The following RGS18 variants were observed in gnomAD, a reference collection of about 807,000 sequenced individuals.
The protein encoded by RGS18 is regulator of G protein signaling 18.
RGS18 carries 22 observed loss-of-function variants against 27.6 expected under a neutral mutation model. That is an observed-to-expected ratio of 0.80 (90% CI 0.57 to 1.14). RGS18 has a LOEUF of 1.14. RGS18 is among the 50% of genes most tolerant of loss of function. The probability of loss-of-function intolerance (pLI) is 0.00; values close to 1 mark genes in which losing one functional copy is unlikely to be tolerated. For synonymous variants in RGS18, 89 were observed against 84.6 expected (o/e 1.05, Z -0.29); for missense variants, 299 against 269.6 (o/e 1.11, Z -0.76).
chr1:192,168,907 A>G (rs971682146), intron 3 of RGS18: 1 of 152,138 alleles, frequency 6.6e-6, no homozygotes, highest in Non-Finnish European at 1.5e-5. Context: ...TATAAACATG[A>G]GTATAACAAG....
chr1:192,167,522 C>T (rs192610468), intron 3 of RGS18, among the ~76,000 whole-genome samples: 32 of 152,038 alleles, frequency 2.1e-4, no homozygotes, highest in African/African-American at 6.8e-4. Context: ...TGGGTTCAAG[C>T]GATTCTCCTG....
chr1:192,183,624 G>A (rs1391725775), intron 4 of RGS18, among the ~76,000 whole-genome samples: 1 of 151,454 alleles, frequency 6.6e-6, no homozygotes, highest in Non-Finnish European at 1.5e-5. Flanking sequence ...ATCTATATTA[G>A]GCCATTCTTG....
At chr1:192,175,991 A>G (rs1656351943) in intron 3 of RGS18, among the ~76,000 whole-genome samples, 1 of 151,782 alleles carries the variant, frequency 6.6e-6, no homozygotes, top group African/African-American at 2.4e-5. Flanking sequence ...AATTTTGTCT[A>G]TGATGTTCCA....
intron 4 of RGS18, among the ~76,000 whole-genome samples, chr1:192,181,713 A>G (rs139653354): frequency 6.6e-6 from 1 of 151,678 alleles, no homozygotes; most frequent in Non-Finnish European, 1.5e-5. Context: ...AATATTCAAT[A>G]TGTTCTTTTC....
intron 3 of RGS18, among the ~76,000 whole-genome samples, chr1:192,180,759 A>G (rs1215860312): frequency 2.0e-5 from 3 of 151,676 alleles, no homozygotes; most frequent in African/African-American, 7.3e-5. Flanking sequence ...CAGCCTGCAA[A>G]TTGAAGCCTT....
rs141130592 is a variant in RGS18, at chr1:192,161,135, C to T, written c.283+696C>T. On this transcript the variant is annotated intron_variant, in intron 3 of 4. Coordinates refer to ENST00000367460, the MANE Select transcript of RGS18 (RefSeq NM_130782.3). The stretch of plus-strand genomic sequence containing the variant: ...AAAGTGCTGGGATTACAGGCGTGAA[C>T]CACTGCGCCCCGCTCCATAAACACA... 7.6e-3 allele frequency among the ~76,000 whole-genome samples: 1,152 copies of T among 152,276 alleles called. 11 individuals are homozygous for T. The highest frequency in any genetic ancestry group is 0.027 in the African/African-American group (1,103 of 41,554).
chr1:192,171,561 T>C (rs1031430775), intron 3 of RGS18, among the ~76,000 whole-genome samples: 1 of 152,072 alleles, frequency 6.6e-6, no homozygotes, highest in Non-Finnish European at 1.5e-5. Context: ...GGATCTCCCT[T>C]TGTCCAGGTG....
At chr1:192,162,979 T>A (rs1427656433) in intron 3 of RGS18, among the ~76,000 whole-genome samples, 2 of 152,226 alleles carry the variant, frequency 1.3e-5, no homozygotes, top group Non-Finnish European at 2.9e-5. Context: ...AGAATATAAC[T>A]GAATTTGTTT....
intron 3 of RGS18, among the ~76,000 whole-genome samples, chr1:192,174,016 T>C (rs1656314866): frequency 6.6e-6 from 1 of 151,746 alleles, no homozygotes; most frequent in African/African-American, 2.4e-5. Flanking sequence ...TTTTTTTCTT[T>C]CTTTTTTTTT....
Position 192,175,702 on chromosome 1 carries a change from C to A in RGS18, c.284-5590C>A, listed in dbSNP as rs142872776. ...TCACAAAATTTGCCCTGCTCATGTG[C>A]AGCTTAGCCCTCAGTCAAGGCTCTG... On this transcript the variant is annotated intron_variant, in intron 3 of 4. Transcript: ENST00000367460. Among the ~76,000 whole-genome samples, 284 of 152,000 alleles carry A rather than the reference C, an allele frequency of 1.9e-3. 1 individual carries two copies. The highest frequency in any genetic ancestry group is 6.5e-3 in the African/African-American group (271 of 41,510).
intron 4 of RGS18, among the ~76,000 whole-genome samples, chr1:192,183,500 T>C (rs896876707): frequency 5.3e-5 from 8 of 151,590 alleles, no homozygotes; most frequent in African/African-American, 1.9e-4. Context: ...TTCTATGATC[T>C]TAGCAGTTCA....
intron 3 of RGS18, among the ~76,000 whole-genome samples, chr1:192,179,284 G>A (rs1026300942): frequency 1.3e-5 from 2 of 151,534 alleles, no homozygotes; most frequent in African/African-American, 2.4e-5. Flanking sequence ...TATAACTAGA[G>A]AGTGAGAGTG....
At chr1:192,184,210 C>A in intron 4 of RGS18, 87 bp from the exon 5 acceptor site, 1 of 1,257,548 alleles carries the variant, frequency 8.0e-7, no homozygotes, top group Non-Finnish European at 1.1e-6. Context: ...GATGCCCACT[C>A]CAACATTGCA....
intron 2 of RGS18, among the ~76,000 whole-genome samples, chr1:192,159,689 C>A (rs748943372): frequency 3.3e-5 from 5 of 152,066 alleles, no homozygotes; most frequent in Non-Finnish European, 7.4e-5. Context: ...AAAAAACACA[C>A]GCATTATAGC....
At chr1:192,176,380 C>G (rs1188058305) in intron 3 of RGS18, among the ~76,000 whole-genome samples, 1 of 151,766 alleles carries the variant, frequency 6.6e-6, no homozygotes, top group Non-Finnish European at 1.5e-5. Context: ...TAGCCTCCAT[C>G]TTCATGCGTA....
At chr1:192,158,909 G>T (rs1462964521) in intron 1 of RGS18, among the ~76,000 whole-genome samples, 153 bp downstream of exon 1, 1 of 151,602 alleles carries the variant, frequency 6.6e-6, no homozygotes, top group African/African-American at 2.4e-5. Flanking sequence ...TATTTCTTAG[G>T]TTTAAACAAC....
chr1:192,158,642 AAAC>A lies in RGS18; in HGVS notation c.10_12del (p.Thr4del), dbSNP rs745506152. On this transcript the variant is annotated inframe_deletion, in exon 1 of 5. Coordinates refer to ENST00000367460, the MANE Select transcript of RGS18 (RefSeq NM_130782.3). ...TCTCTTCATTTTAGAGAGAAGATGG[AAAC>A]AACATTGCTTTTCTTTTCTCAAATA... 1.9e-4 allele frequency: 304 copies of A among 1,559,730 alleles called. No individual in the cohort carries two copies. The highest frequency in any genetic ancestry group is 8.6e-7 in the Non-Finnish European group (1 of 1,160,452).
chr1:192,163,720 T>A (rs1447658646), intron 3 of RGS18: 1 of 151,916 alleles, frequency 6.6e-6, no homozygotes, highest in Non-Finnish European at 1.5e-5. Context: ...CCTAATCCAA[T>A]TATTTTTATT....
chr1:192,161,730 A>G (rs898956140), intron 3 of RGS18, among the ~76,000 whole-genome samples: 2 of 152,146 alleles, frequency 1.3e-5, no homozygotes, highest in Admixed American at 1.3e-4. Flanking sequence ...TGTCTTTCAC[A>G]ATTTTAAGGT....
Sources: gnomAD v4.1 joint callset for allele counts (sites outside exome capture counted in the v4.1 genomes callset) on GRCh38, gnomAD v4.1.1 for gene constraint, MANE v1.5 for transcripts, NCBI Gene and HGNC (gene_info 2026-07-23, HGNC 2026-07-21) for gene names.